The following SLC37A1 variants were observed in gnomAD, a reference collection of about 807,000 sequenced individuals.
The protein encoded by SLC37A1 is glucose-6-phosphate exchanger SLC37A1.
A neutral mutation model predicts 75.3 loss-of-function variants in SLC37A1; 49 were observed. The observed-to-expected ratio is 0.65, with a 90% confidence interval of 0.52 to 0.83. SLC37A1 has a LOEUF of 0.83. Ranked by LOEUF, SLC37A1 falls within the 40% of genes least tolerant of loss-of-function variation. The pLI is 0.00. For missense variants in SLC37A1, 566 were observed against 695.0 expected (o/e 0.81, Z 2.09); for synonymous variants, 268 against 292.1 (o/e 0.92, Z 0.84).
At chr21:42,519,439 A>G (rs1427682003) in intron 2 of SLC37A1, among the ~76,000 whole-genome samples, 1 of 152,170 alleles carries the variant, frequency 6.6e-6, no homozygotes, top group Non-Finnish European at 1.5e-5. Flanking sequence ...TCCAGTGGTA[A>G]GAGTCCTGTT....
chr21:42,546,683 G>A (rs228080), intron 8 of SLC37A1, among the ~76,000 whole-genome samples: 69,117 of 152,154 alleles, frequency 0.45, 16,655 homozygotes, highest in Admixed American at 0.62. Flanking sequence ...AGGCCGGGGC[G>A]TGTGCGGGAG....
At chr21:42,517,254 G>C (rs937047708) in intron 1 of SLC37A1, among the ~76,000 whole-genome samples, 1 of 152,220 alleles carries the variant, frequency 6.6e-6, no homozygotes, top group Non-Finnish European at 1.5e-5. Context: ...GAAGGAGAGG[G>C]AGCAGAAAGG....
At chr21:42,531,610 G>A (rs150790592) in intron 3 of SLC37A1, among the ~76,000 whole-genome samples, 4 of 152,290 alleles carry the variant, frequency 2.6e-5, no homozygotes, top group South Asian at 2.1e-4. Flanking sequence ...AAGTATTTCC[G>A]CAGGGATGGT....
intron 11 of SLC37A1, 162 bp from the exon 12 acceptor site, chr21:42,561,916 C>T: frequency 3.1e-6 from 2 of 645,134 alleles, no homozygotes. Context: ...CTACACCACA[C>T]AGCGGTGCAG....
At chr21:42,505,465 C>T (rs954152417) in intron 2 of SLC37A1, among the ~76,000 whole-genome samples, 21 of 152,162 alleles carry the variant, frequency 1.4e-4, no homozygotes, top group Non-Finnish European at 3.1e-4. Flanking sequence ...GGCTTTATCC[C>T]CAACCCTTGT....
At chr21:42,566,486 T>A (rs1209977223) in intron 15 of SLC37A1, among the ~76,000 whole-genome samples, 1 of 152,262 alleles carries the variant, frequency 6.6e-6, no homozygotes, top group Non-Finnish European at 1.5e-5. Flanking sequence ...CTTTCTGTCC[T>A]AATGAGCCAG....
chr21:42,513,646 G>A (rs1206188544), upstream of SLC37A1, among the ~76,000 whole-genome samples: 1 of 151,152 alleles, frequency 6.6e-6, no homozygotes, highest in Non-Finnish European at 1.5e-5. Context: ...ACCCGGGTTC[G>A]CCCGCAAAGG....
At position 42,518,624 on chromosome 21, in the gene SLC37A1, G is replaced by A. The variant is rs1802158197; in HGVS notation, c.56+114G>A. On this transcript the variant is annotated intron_variant, in intron 2 of 19. Coordinates refer to ENST00000352133, the MANE Select transcript of SLC37A1 (RefSeq NM_001320537.2). ...TAAAACACATAAAACTTGAATCACT[G>A]ACCTCACCCATAACCGTTGAATTGC... The A allele has an allele frequency of 5.9e-6, 7 of 1,189,058 alleles. No individual in the cohort carries two copies. In the South Asian group the frequency reaches 9.1e-5, roughly 15 times the overall value. 73.7% of individuals were successfully genotyped at this position (1,189,058 alleles called of 1,614,324 possible). A position where few individuals can be genotyped will look rare whatever the true frequency, so the allele number is the denominator to read the frequency against.
chr21:42,570,922 T>C (rs372088173), intron 17 of SLC37A1, among the ~76,000 whole-genome samples: 24 of 152,118 alleles, frequency 1.6e-4, no homozygotes, highest in African/African-American at 5.3e-4. Flanking sequence ...CCTCTGGCCT[T>C]CTGTTAACCT....
intron 11 of SLC37A1, among the ~76,000 whole-genome samples, chr21:42,559,866 ACT>A (rs2055783046): frequency 8.1e-6 from 1 of 123,842 alleles, no homozygotes; most frequent in Non-Finnish European, 1.7e-5. Context: ...ACAGAGCAAG[ACT>A]CTGTCTCAAA....
intron 3 of SLC37A1, among the ~76,000 whole-genome samples, chr21:42,532,013 G>A (rs8127780): frequency 0.032 from 4,918 of 152,158 alleles, 260 homozygotes; most frequent in African/African-American, 0.11. Flanking sequence ...CTCCGATTAT[G>A]GTCCATCTTT....
chr21:42,503,775 T>TA (rs1262398069), intron 2 of SLC37A1, among the ~76,000 whole-genome samples: 2 of 152,202 alleles, frequency 1.3e-5, no homozygotes, highest in East Asian at 3.9e-4. Flanking sequence ...GTGGAGCAAA[T>TA]ACAGTTATCG....
intron 2 of SLC37A1, among the ~76,000 whole-genome samples, chr21:42,522,556 G>A (rs1466193478): frequency 6.6e-6 from 1 of 152,164 alleles, no homozygotes; most frequent in South Asian, 2.1e-4. Context: ...CAGCCACTGC[G>A]TCCCCCATCC....
intron 6 of SLC37A1, among the ~76,000 whole-genome samples, chr21:42,541,403 T>C (rs527545410): frequency 2.2e-4 from 34 of 152,198 alleles, no homozygotes; most frequent in African/African-American, 8.2e-4. Context: ...GACCCTGCTC[T>C]AGAGAGCTGG....
chr21:42,575,392 ACTT>A (rs1397810348), intron 18 of SLC37A1: 2 of 985,322 alleles, frequency 2.0e-6, no homozygotes, highest in Non-Finnish European at 2.4e-6. Flanking sequence ...AGCGGCCCCA[ACTT>A]CTTTCACCTG....
At chr21:42,578,645 G>A (rs149416187) in intron 18 of SLC37A1, among the ~76,000 whole-genome samples, 29 of 152,262 alleles carry the variant, frequency 1.9e-4, no homozygotes, top group Middle Eastern at 3.4e-3. Context: ...CGTACCTGCC[G>A]TGTTCCCACG....
At chr21:42,560,686 A>G (rs965138874) in intron 11 of SLC37A1, among the ~76,000 whole-genome samples, 16 of 152,226 alleles carry the variant, frequency 1.1e-4, no homozygotes, top group Non-Finnish European at 2.9e-5. Flanking sequence ...GGTGGGCACC[A>G]GCTTATGGGG....
At position 42,547,042 on chromosome 21, in the gene SLC37A1, G is replaced by C; in HGVS notation, c.731-61G>C. 1.2e-6 allele frequency: 2 copies of C among 1,609,724 alleles called. No homozygotes were observed. The highest frequency in any genetic ancestry group is 3.3e-5 in the Admixed American group (2 of 60,004). ...TGTTGCCCTGTCCTCGGGTTACGTA[G>C]CTTACTTGGCATTGCCATGGTGGTG... On this transcript the variant is annotated intron_variant, in intron 8 of 19. Transcript: ENST00000352133. This position sits in a 1 kb window ranked among gnomAD's most constrained non-coding sequence, Gnocchi z 6.1.
At chr21:42,544,851 A>G (rs2055367108) in intron 8 of SLC37A1, among the ~76,000 whole-genome samples, 1 of 152,220 alleles carries the variant, frequency 6.6e-6, no homozygotes, top group African/African-American at 2.4e-5. Context: ...TTGAGACACC[A>G]GCCACCCGGA....
Sources: allele counts gnomAD v4.1 joint callset (sites outside exome capture counted in the v4.1 genomes callset), GRCh38; gene constraint gnomAD v4.1.1; non-coding constraint Gnocchi (gnomAD v3.1); transcripts MANE v1.5; gene names NCBI Gene and HGNC (gene_info 2026-07-23, HGNC 2026-07-21).